TLK1: variants seen among roughly 807,000 people sequenced by gnomAD.
The protein encoded by TLK1 is tousled like kinase 1.
TLK1 carries 24 observed loss-of-function variants against 105.3 expected under a neutral mutation model. The ratio of observed to expected loss-of-function variants is 0.23; its 90% CI spans 0.17 to 0.32. The LOEUF (loss-of-function observed/expected upper bound fraction) is 0.32. Ranked by LOEUF, TLK1 falls within the 10% of genes least tolerant of loss-of-function variation. The pLI is 1.00. For synonymous variants in TLK1, 321 were observed against 310.4 expected (o/e 1.03, Z -0.36); for missense variants, 558 against 910.5 (o/e 0.61, Z 4.98).
chr2:171,198,552 G>C (rs995581886), intron 1 of TLK1, among the ~76,000 whole-genome samples: 1 of 152,208 alleles, frequency 6.6e-6, no homozygotes, highest in African/African-American at 2.4e-5. Flanking sequence ...ATGTATAAAA[G>C]AGCCATTAAA....
chr2:171,053,860 GA>G lies in TLK1; in HGVS notation c.640-8del. 1 of 1,571,708 alleles carries G rather than the reference GA, an allele frequency of 6.4e-7. No homozygotes were observed. Among genetic ancestry groups the G allele is most frequent in the South Asian group, 1.2e-5 (1 of 84,776 alleles). ...TCAGCATTGTGAGATCAGTCTAAAT[GA>G]AAAAAAGTTATTTTATTATCTCCAT... On this transcript the variant is annotated splice_polypyrimidine_tract_variant and splice_region_variant and intron_variant, in intron 7 of 20. Transcript: ENST00000431350.
chr2:171,083,857 T>C (rs548325615), intron 2 of TLK1, among the ~76,000 whole-genome samples: 3 of 152,302 alleles, frequency 2.0e-5, no homozygotes, highest in East Asian at 1.9e-4. Context: ...CAAGTAGTAC[T>C]TGGAATAAGT....
intron 18 of TLK1, among the ~76,000 whole-genome samples, chr2:171,001,360 CA>C (rs1381646334): frequency 6.6e-6 from 1 of 152,086 alleles, no homozygotes; most frequent in African/African-American, 2.4e-5. Flanking sequence ...CCTAGGTGGC[CA>C]GGGGCATTGT....
chr2:171,115,989 G>A (rs1405337569), intron 2 of TLK1, among the ~76,000 whole-genome samples: 1 of 152,074 alleles, frequency 6.6e-6, no homozygotes, highest in Admixed American at 6.6e-5. Context: ...TTTTATTCAT[G>A]TGTCTATAAA....
intron 1 of TLK1, among the ~76,000 whole-genome samples, chr2:171,200,713 T>G (rs984390717): frequency 3.3e-5 from 5 of 152,332 alleles, no homozygotes; most frequent in Admixed American, 3.3e-4. Context: ...ACCCCATCTG[T>G]ATTTTTACAA....
chr2:171,132,632 T>C (rs970917189), intron 1 of TLK1, among the ~76,000 whole-genome samples: 2 of 152,212 alleles, frequency 1.3e-5, no homozygotes. Context: ...CACTTTTGTG[T>C]TTAATACTGA....
chr2:171,056,881 C>CA, intron 5 of TLK1, among the ~76,000 whole-genome samples: 1 of 152,034 alleles, frequency 6.6e-6, no homozygotes, highest in Admixed American at 6.6e-5. Context: ...GTTTTCCCCC[C>CA]AAATCTTAGC....
At chr2:171,049,488 A>AAC (rs1204119012) in intron 10 of TLK1, among the ~76,000 whole-genome samples, 1 of 152,158 alleles carries the variant, frequency 6.6e-6, no homozygotes, top group Non-Finnish European at 1.5e-5. Context: ...CTAGGAAATA[A>AAC]ACACACACAC....
intron 11 of TLK1, among the ~76,000 whole-genome samples, chr2:171,029,511 T>C (rs1032259673): frequency 2.6e-5 from 4 of 152,094 alleles, no homozygotes; most frequent in Non-Finnish European, 4.4e-5. Flanking sequence ...ACTCCAAATA[T>C]AGACATAGGG....
chr2:171,080,100 G>A (rs1436318703), intron 3 of TLK1, among the ~76,000 whole-genome samples: 1 of 151,544 alleles, frequency 6.6e-6, no homozygotes, highest in African/African-American at 2.4e-5. Context: ...AGGAGGTTGA[G>A]GCAGGAAAAT....
At chr2:171,130,881 T>C (rs1243576537) in intron 1 of TLK1, among the ~76,000 whole-genome samples, 1 of 152,062 alleles carries the variant, frequency 6.6e-6, no homozygotes, top group Non-Finnish European at 1.5e-5. Flanking sequence ...AATGCCAACT[T>C]TGGGATCCAG....
intron 2 of TLK1, among the ~76,000 whole-genome samples, chr2:171,110,564 T>TG (rs1391081092): frequency 3.9e-5 from 6 of 152,190 alleles, no homozygotes; most frequent in Admixed American, 3.3e-4. Flanking sequence ...TCCAACAACA[T>TG]GGATCAATCT....
At chr2:171,226,216 A>G (rs1392497756) in intron 1 of TLK1, among the ~76,000 whole-genome samples, 1 of 152,160 alleles carries the variant, frequency 6.6e-6, no homozygotes, top group African/African-American at 2.4e-5. Context: ...ACATAATCTA[A>G]CCTATTCTGA....
At position 171,206,769 on chromosome 2, in the gene TLK1, T is replaced by C. The variant is rs530632574; in HGVS notation, c.-6+24376A>G. On this transcript the variant is annotated intron_variant, in intron 1 of 20. Coordinates refer to the TLK1 transcript ENST00000521943. ...AAGGGACCTATCTCACCAAAGAAGA[T>C]CTACAGATGGCAAATAAGCATATGA... Among the ~76,000 whole-genome samples, 262 of 152,272 alleles carry C rather than the reference T, an allele frequency of 1.7e-3. 1 individual carries two copies. The highest frequency in any genetic ancestry group is 5.8e-3 in the African/African-American group (242 of 41,546).
At chr2:171,051,670 GTTAT>G (rs1687246845) in intron 8 of TLK1, among the ~76,000 whole-genome samples, 1 of 116,966 alleles carries the variant, frequency 8.5e-6, no homozygotes. Flanking sequence ...CTGAAGTACT[GTTAT>G]TTATGTTCAC....
At chr2:171,114,269 A>C (rs1048387923) in intron 2 of TLK1, among the ~76,000 whole-genome samples, 1 of 152,182 alleles carries the variant, frequency 6.6e-6, no homozygotes, top group African/African-American at 2.4e-5. Flanking sequence ...CACACACCCT[A>C]AACTCCAGAG....
intron 2 of TLK1, among the ~76,000 whole-genome samples, chr2:171,094,006 GA>G (rs1689349738): frequency 6.6e-6 from 1 of 152,160 alleles, no homozygotes; most frequent in African/African-American, 2.4e-5. Context: ...GCTGTGGCAA[GA>G]AAATCTTACA....
chr2:171,147,976 C>T (rs1300196367), intron 1 of TLK1, among the ~76,000 whole-genome samples: 2 of 151,824 alleles, frequency 1.3e-5, no homozygotes, highest in Non-Finnish European at 2.9e-5. Context: ...CTGCAACATC[C>T]GCCTCCCAGG....
intron 2 of TLK1, among the ~76,000 whole-genome samples, chr2:171,102,934 A>C (rs1027699298): frequency 5.9e-5 from 9 of 152,184 alleles, no homozygotes; most frequent in African/African-American, 1.4e-4. Flanking sequence ...GGAATCAATA[A>C]GTTGTAGTAT....
Sources: gnomAD v4.1 joint callset for allele counts (sites outside exome capture counted in the v4.1 genomes callset) on GRCh38, gnomAD v4.1.1 for gene constraint, MANE v1.5 for transcripts, NCBI Gene and HGNC (gene_info 2026-07-23, HGNC 2026-07-21) for gene names.